Variants in INTS13 observed in about 807,000 individuals in gnomAD.
The protein encoded by INTS13 is integrator complex subunit 13.
INTS13 carries 35 observed loss-of-function variants against 90.2 expected under a neutral mutation model. The ratio of observed to expected loss-of-function variants is 0.39; its 90% CI spans 0.30 to 0.51. The LOEUF (loss-of-function observed/expected upper bound fraction) is 0.51, where lower values mean the gene tolerates loss of function less well. Among genes scored for constraint, INTS13 ranks in the 20% least tolerant of loss-of-function variants. INTS13 has a pLI of 0.80. For synonymous variants in INTS13, 309 were observed against 277.1 expected (o/e 1.11, Z -1.14); for missense variants, 601 against 851.2 (o/e 0.71, Z 3.66).
intron 11 of INTS13, among the ~76,000 whole-genome samples, chr12:26,915,374 T>C (rs76580832): frequency 0.01 from 1,572 of 152,326 alleles, 19 homozygotes; most frequent in African/African-American, 0.036. Context: ...ACAATAAATA[T>C]TGATTAGGCT....
chr12:26,918,307 A>G (rs1464507229), intron 8 of INTS13, among the ~76,000 whole-genome samples: 1 of 152,208 alleles, frequency 6.6e-6, no homozygotes, highest in African/African-American at 2.4e-5. Flanking sequence ...AACATTATCA[A>G]GTAGATCACA....
intron 8 of INTS13, among the ~76,000 whole-genome samples, chr12:26,921,427 G>A (rs951557057): frequency 1.3e-5 from 2 of 152,132 alleles, no homozygotes; most frequent in Admixed American, 1.3e-4. Context: ...GAAAGCCATG[G>A]CTATCTTTCT....
intron 2 of INTS13, among the ~76,000 whole-genome samples, chr12:26,935,575 CTG>C (rs1338665452): frequency 1.3e-5 from 2 of 152,184 alleles, no homozygotes; most frequent in Non-Finnish European, 2.9e-5. Context: ...CGGGAGGAAA[CTG>C]AGGCTTGGAG....
intron 15 of INTS13, among the ~76,000 whole-genome samples, chr12:26,906,980 C>T (rs1951631244): frequency 6.6e-6 from 1 of 152,168 alleles, no homozygotes; most frequent in African/African-American, 2.4e-5. Context: ...AAGTTCCAGA[C>T]TTTCAGAAGG....
chr12:26,916,911 C>G (rs1214686620), intron 10 of INTS13, among the ~76,000 whole-genome samples: 10 of 152,046 alleles, frequency 6.6e-5, no homozygotes, highest in Non-Finnish European at 1.3e-4. Context: ...GTATCATGTT[C>G]AAATATAAGT....
At position 26,924,538 on chromosome 12, in the gene INTS13, T is replaced by TAAATTC. The variant is rs1937762300; in HGVS notation, c.676-56_676-55insGAATTT. 2.6e-6 allele frequency: 4 copies of TAAATTC among 1,515,060 alleles called. No individual in the cohort carries two copies. The Admixed American group carries it at 6.0e-5, about 23-fold the overall frequency. The allele number at this position is 1,515,060 out of a possible 1,614,324, so 93.9% of individuals were successfully genotyped here. ...CACAAAATATTAATTCATTGTGACC[T>TAAATTC]ACTGCTAAATATTTTAGTATAAATC... On this transcript the variant is annotated intron_variant, in intron 6 of 16. Coordinates refer to ENST00000261191, the MANE Select transcript of INTS13 (RefSeq NM_018164.3).
intron 15 of INTS13, 92 bp from the exon 16 acceptor site, chr12:26,906,529 T>C: frequency 2.3e-6 from 3 of 1,306,270 alleles, no homozygotes; most frequent in Non-Finnish European, 3.2e-6. Flanking sequence ...TTTAATTCTG[T>C]TGTTCATTTT....
chr12:26,935,110 A>C (rs377678501), intron 2 of INTS13, among the ~76,000 whole-genome samples: 2 of 152,240 alleles, frequency 1.3e-5, no homozygotes, highest in Admixed American at 1.3e-4. Context: ...TATACCCTGG[A>C]AAGGGTGAAA....
chr12:26,927,449 G>C (rs1384461767), intron 5 of INTS13, among the ~76,000 whole-genome samples: 1 of 152,136 alleles, frequency 6.6e-6, no homozygotes, highest in African/African-American at 2.4e-5. Flanking sequence ...AAAAGTACTA[G>C]TGTGAGTATA....
chr12:26,915,933 G>A (rs1385031886), intron 11 of INTS13, 69 bp downstream of exon 11: 3 of 1,166,636 alleles, frequency 2.6e-6, no homozygotes, highest in Non-Finnish European at 2.4e-6. Context: ...CATTTAACGA[G>A]CACTCGATAA....
At chr12:26,934,466 A>G (rs929154947) in intron 3 of INTS13, 90 bp downstream of exon 3, 1 of 945,528 alleles carries the variant, frequency 1.1e-6, no homozygotes, top group Non-Finnish European at 1.7e-6. Context: ...TGCAAATCCT[A>G]GAGTGATTTA....
rs1264998091 is a variant in INTS13 at position 26,928,736 on chromosome 12, C to G, written c.470G>C (p.Arg157Thr). 1.2e-6 allele frequency: 2 copies of G among 1,614,022 alleles called. No homozygotes were observed. Among genetic ancestry groups the G allele is most frequent in the African/African-American group, 2.7e-5 (2 of 74,910 alleles). The change falls in exon 4 of 17, where the codon AGA (arginine) becomes ACA (threonine). Residue 157 changes from arginine (R) to threonine (T), a missense_variant. Arg to Thr is a moderately conservative substitution (Grantham distance 71, BLOSUM62 -1). This residue lies in a region of INTS13 where 284 missense variants were observed against 387.7 expected (regional missense o/e 0.73). Transcript: ENST00000261191. ...LMENAERVGN[R>T]GRIICITNAK... The stretch of plus-strand genomic sequence containing the variant: ...ATTAGTAATACAGATTATTCGTCCT[C>G]TATTTCCAACACGTTCTGCATTCTC...
At chr12:26,928,585 G>A in intron 4 of INTS13, 118 bp downstream of exon 4, 1 of 993,536 alleles carries the variant, frequency 1.0e-6, no homozygotes. Context: ...AATCAGAAAG[G>A]CCACTTGTAA....
At chr12:26,932,451 A>C (rs1351395482) in intron 3 of INTS13, among the ~76,000 whole-genome samples, 1 of 152,246 alleles carries the variant, frequency 6.6e-6, no homozygotes, top group Admixed American at 6.5e-5. Context: ...CTACCCGTGT[A>C]AGTGACTACA....
chr12:26,935,412 C>A (rs1052688919), intron 2 of INTS13, among the ~76,000 whole-genome samples: 1 of 152,158 alleles, frequency 6.6e-6, no homozygotes, highest in Non-Finnish European at 1.5e-5. Context: ...CCCTATATAT[C>A]GATGAAATAC....
chr12:26,927,782 A>G (rs1937964228), intron 5 of INTS13, among the ~76,000 whole-genome samples: 1 of 151,866 alleles, frequency 6.6e-6, no homozygotes, highest in African/African-American at 2.4e-5. Context: ...GGCCCGGCTA[A>G]TTTTTATATT....
chr12:26,932,973 TA>T (rs1242955984), intron 3 of INTS13, among the ~76,000 whole-genome samples: 1 of 151,912 alleles, frequency 6.6e-6, no homozygotes, highest in Non-Finnish European at 1.5e-5. Context: ...AGCCTCAACA[TA>T]AAAAAAGAAC....
In INTS13 at chr12:26,928,185, C is replaced by A. The variant is rs748370427; in HGVS notation, c.584+20G>T. On this transcript the variant is annotated intron_variant, in intron 5 of 16. Coordinates refer to ENST00000261191, the MANE Select transcript of INTS13 (RefSeq NM_018164.3). Reference sequence around the variant, plus strand: ...TCTATCCACATGAACATATTTATTTCATTTATGAATTATACTCACTGATCT... The same window carrying A: ...TCTATCCACATGAACATATTTATTTAATTTATGAATTATACTCACTGATCT... 2 of 1,549,236 alleles carry A rather than the reference C, an allele frequency of 1.3e-6. No individual in the cohort carries two copies. The highest frequency in any genetic ancestry group is 1.8e-6 in the Non-Finnish European group (2 of 1,125,630).
intron 3 of INTS13, among the ~76,000 whole-genome samples, chr12:26,932,665 T>G (rs1938259384): frequency 6.6e-6 from 1 of 152,218 alleles, no homozygotes; most frequent in South Asian, 2.1e-4. Flanking sequence ...AGGCTTACTG[T>G]GCATCTGAAA....
Sources: gnomAD v4.1 joint callset for allele counts (sites outside exome capture counted in the v4.1 genomes callset) on GRCh38, gnomAD v4.1.1 for gene constraint, gnomAD v4.1.1 regional missense constraint, MANE v1.5 for transcripts, NCBI Gene and HGNC (gene_info 2026-07-23, HGNC 2026-07-21) for gene names.